STK10: variants seen among roughly 807,000 people sequenced by gnomAD.
The protein encoded by STK10 is serine/threonine kinase 10, also known as serine/threonine-protein kinase 10.
A neutral mutation model predicts 113.8 loss-of-function variants in STK10; 78 were observed. The ratio of observed to expected loss-of-function variants is 0.69; its 90% confidence interval spans 0.57 to 0.83. STK10 has a LOEUF of 0.83. Among genes scored for constraint, STK10 ranks in the 40% least tolerant of loss-of-function variants. The pLI, the probability that STK10 is intolerant of heterozygous loss-of-function variation, is 0.00. For synonymous variants in STK10, 465 were observed against 494.7 expected, an observed-to-expected ratio of 0.94 and a Z score of 0.80; for missense variants, 1,109 against 1,280.1, an observed-to-expected ratio of 0.87 and a Z score of 2.04.
intron 1 of STK10, among the ~76,000 whole-genome samples, chr5:172,168,351 AACTG>A (rs768023658): frequency 2.6e-5 from 4 of 152,210 alleles, no homozygotes; most frequent in African/African-American, 4.8e-5. Flanking sequence ...GTCACAGCAG[AACTG>A]ACTATGTGCA....
chr5:172,062,357 G>A (rs1008325933), intron 13 of STK10, among the ~76,000 whole-genome samples: 7 of 152,116 alleles, frequency 4.6e-5, no homozygotes, highest in African/African-American at 1.4e-4. Context: ...TGGCAGCTGC[G>A]GTAGGTATGT....
At chr5:172,174,725 C>T (rs1372280845) in intron 1 of STK10, among the ~76,000 whole-genome samples, 2 of 152,112 alleles carry the variant, frequency 1.3e-5, no homozygotes, top group Admixed American at 6.5e-5. Flanking sequence ...AGTTGAGACC[C>T]GGAGAATGAG....
rs546093172 is a variant in STK10, at chr5:172,188,148, G to C, written c.-106C>G. On this transcript the variant is annotated 5_prime_UTR_variant, in exon 1 of 19. Coordinates refer to ENST00000176763, the MANE Select transcript of STK10 (RefSeq NM_005990.4). This position sits in a 1 kb window ranked among gnomAD's most constrained non-coding sequence, Gnocchi z 5.6. ...GGAGTTGGAGGACGCCGCGTCTCTC[G>C]GGGTTCTCCCCAGACCCGCCTTTCC... The C allele has an allele frequency of 1.1e-5, 17 of 1,490,548 alleles. No individual in the cohort carries two copies. In the African/African-American group the frequency reaches 2.1e-4, roughly 18 times the overall value. 92.3% of individuals were successfully genotyped at this position (1,490,548 alleles called of 1,614,324 possible).
intron 1 of STK10, among the ~76,000 whole-genome samples, chr5:172,168,660 C>T (rs1452455850): frequency 6.6e-6 from 1 of 152,178 alleles, no homozygotes; most frequent in Non-Finnish European, 1.5e-5. Context: ...AGAGGTACCA[C>T]CATCGCCTTT....
At chr5:172,136,411 C>T (rs1292215946) in intron 2 of STK10, among the ~76,000 whole-genome samples, 1 of 152,164 alleles carries the variant, frequency 6.6e-6, no homozygotes, top group African/African-American at 2.4e-5. Flanking sequence ...GCCTGCCCAA[C>T]ATGGTGAAAC....
At chr5:172,086,544 G>A (rs576562286) in intron 10 of STK10, among the ~76,000 whole-genome samples, 36 of 152,316 alleles carry the variant, frequency 2.4e-4, no homozygotes, top group Non-Finnish European at 4.9e-4. Flanking sequence ...GGCAGAAGCC[G>A]TTTTAGGGAA....
chr5:172,178,679 G>A (rs1303389352), intron 1 of STK10, among the ~76,000 whole-genome samples: 1 of 152,224 alleles, frequency 6.6e-6, no homozygotes, highest in Non-Finnish European at 1.5e-5. Context: ...GTGGCTAAAT[G>A]GCACAGCCGG....
chr5:172,050,268 C>T (rs1016964093), intron 18 of STK10, among the ~76,000 whole-genome samples: 3 of 152,158 alleles, frequency 2.0e-5, no homozygotes, highest in Non-Finnish European at 4.4e-5. Context: ...GCATAAGGCC[C>T]GCCTGCTGCC....
chr5:172,067,676 A>G (rs4868137), intron 12 of STK10, among the ~76,000 whole-genome samples: 51,404 of 151,826 alleles, frequency 0.34, 8,897 homozygotes, highest in East Asian at 0.4. Flanking sequence ...AAACTAAACA[A>G]TACAATGTCT....
chr5:172,094,487 CAGCCTCCCGAGG>C (rs1768802258), intron 8 of STK10, among the ~76,000 whole-genome samples: 1 of 152,138 alleles, frequency 6.6e-6, no homozygotes, highest in Non-Finnish European at 1.5e-5. Flanking sequence ...CCTCCCACCT[CAGCCTCCCGAGG>C]AGCCTCCCGA....
chr5:172,151,820 CATGT>C (rs1423443908), intron 2 of STK10, among the ~76,000 whole-genome samples: 2 of 152,230 alleles, frequency 1.3e-5, no homozygotes, highest in Non-Finnish European at 2.9e-5. Context: ...TGCTCAGCAG[CATGT>C]GCTGCAGACA....
At chr5:172,084,530 G>GTC (rs755631520) in intron 10 of STK10, among the ~76,000 whole-genome samples, 15 of 151,976 alleles carry the variant, frequency 9.9e-5, no homozygotes, top group Non-Finnish European at 1.5e-4. Context: ...GGACAACAAT[G>GTC]TCTCTGTACA....
chr5:172,101,056 G>A (rs1421557922), intron 7 of STK10, among the ~76,000 whole-genome samples: 2 of 152,204 alleles, frequency 1.3e-5, no homozygotes, highest in Non-Finnish European at 2.9e-5. Context: ...GCTCAACAGA[G>A]AGCTGAACAG....
rs1768450201 is a variant in STK10 at position 172,082,280 on chromosome 5, C to T, written c.1989+46G>A. The T allele has an allele frequency of 1.4e-6, 2 of 1,461,004 alleles. No homozygotes were observed. The highest frequency in any genetic ancestry group is 2.9e-5 in the African/African-American group (2 of 68,924). 90.5% of individuals were successfully genotyped at this position (1,461,004 alleles called of 1,614,324 possible). On this transcript the variant is annotated intron_variant, in intron 12 of 18. Transcript: ENST00000176763. The surrounding 1 kb of genome is among the most constrained non-coding windows in gnomAD (Gnocchi z 4.3). ...CACGATCACTTGCAACCAAGAAGGC[C>T]CCTAATACTCCGAGATGCCCCTGCC...
At chr5:172,159,926 A>G (rs1770434342) in intron 1 of STK10, among the ~76,000 whole-genome samples, 1 of 149,420 alleles carries the variant, frequency 6.7e-6, no homozygotes, top group African/African-American at 2.5e-5. Context: ...TCACAAGGTC[A>G]GGAGTTTGAG....
At chr5:172,144,575 C>T (rs2113804270) in intron 2 of STK10, among the ~76,000 whole-genome samples, 1 of 152,090 alleles carries the variant, frequency 6.6e-6, no homozygotes, top group Non-Finnish European at 1.5e-5. Flanking sequence ...AACAATGCTG[C>T]CATTTACTAG....
At chr5:172,147,165 G>T (rs1371688321) in intron 2 of STK10, among the ~76,000 whole-genome samples, 1 of 152,174 alleles carries the variant, frequency 6.6e-6, no homozygotes, top group East Asian at 1.9e-4. Flanking sequence ...GATGTGTATG[G>T]TGAGGCTGGG....
At chr5:172,132,237 T>C (rs1769771132) in intron 2 of STK10, among the ~76,000 whole-genome samples, 1 of 152,174 alleles carries the variant, frequency 6.6e-6, no homozygotes, top group African/African-American at 2.4e-5. Flanking sequence ...ACAAAACCCA[T>C]AGGAGGATTA....
intron 1 of STK10, among the ~76,000 whole-genome samples, chr5:172,180,156 G>C (rs1027236317): frequency 2.0e-5 from 3 of 152,354 alleles, no homozygotes; most frequent in Non-Finnish European, 4.4e-5. Flanking sequence ...CTTTGACCTA[G>C]TAATTCCCTT....
Sources: gnomAD v4.1 joint callset for allele counts (sites outside exome capture counted in the v4.1 genomes callset) on GRCh38, gnomAD v4.1.1 for gene constraint, Gnocchi (gnomAD v3.1) non-coding constraint, MANE v1.5 for transcripts, NCBI Gene and HGNC (gene_info 2026-07-23, HGNC 2026-07-21) for gene names.